The following ARHGAP6 variants were observed in gnomAD, a reference collection of about 807,000 sequenced individuals.
ARHGAP6 encodes Rho GTPase activating protein 6, also known as rho GTPase-activating protein 6.
In ARHGAP6, 16 loss-of-function variants were observed where a neutral mutation model predicts 55.7. That is an observed-to-expected ratio of 0.29 (90% CI 0.19 to 0.44). ARHGAP6 has a LOEUF of 0.44. Ranked by LOEUF, ARHGAP6 falls within the 20% of genes least tolerant of loss-of-function variation. The pLI, the probability that ARHGAP6 is intolerant of heterozygous loss-of-function variation, is 1.00. For synonymous variants in ARHGAP6, 382 were observed against 360.9 expected, an observed-to-expected ratio of 1.06 and a Z score of -0.66; for missense variants, 698 against 808.9, an observed-to-expected ratio of 0.86 and a Z score of 1.66.
At chrX:11,560,616 G>C (rs755411732) in intron 1 of ARHGAP6, among the ~76,000 whole-genome samples, 11 of 111,907 alleles carry the variant, frequency 9.8e-5, no homozygotes, top group African/African-American at 3.6e-4. Flanking sequence ...AGTCAGACTG[G>C]AGCAGGAAGC....
intron 1 of ARHGAP6, among the ~76,000 whole-genome samples, chrX:11,471,769 A>G (rs1463848501): frequency 9.0e-6 from 1 of 111,674 alleles, no homozygotes; most frequent in Non-Finnish European, 1.9e-5. Flanking sequence ...GGGAAGGACA[A>G]TGTAATAGTC....
intron 1 of ARHGAP6, among the ~76,000 whole-genome samples, chrX:11,604,127 C>G (rs756554676): frequency 4.5e-5 from 5 of 111,840 alleles, no homozygotes; most frequent in Non-Finnish European, 9.4e-5. Context: ...CCTCCACTTG[C>G]ATCATAGCTA....
At chrX:11,240,894 A>C (rs1476810860) in intron 2 of ARHGAP6, among the ~76,000 whole-genome samples, 1 of 87,416 alleles carries the variant, frequency 1.1e-5, no homozygotes, top group African/African-American at 4.4e-5. Context: ...AAAATACAAA[A>C]ATTAGCTGGG....
In ARHGAP6 at chrX:11,174,518, TTTCCTTCCTTCCTTCCTTCC is replaced by T. The variant is rs1183794863; in HGVS notation, c.1629+3562_1629+3581del. The stretch of plus-strand genomic sequence containing the variant: ...AAATCCCAAGGCCATTCTTTCTTTC[TTTCCTTCCTTCCTTCCTTCC>T]TTCCTTCCTTCCTTCCTTCCTTCCT... On this transcript the variant is annotated intron_variant, in intron 8 of 12. Coordinates refer to ENST00000337414, the MANE Select transcript of ARHGAP6 (RefSeq NM_013427.3). 2.3e-3 allele frequency among the ~76,000 whole-genome samples: 162 copies of T among 69,552 alleles called. 2 individuals carry two copies. The highest frequency in any genetic ancestry group is 9.3e-3 in the African/African-American group (153 of 16,470). The allele number at this position is 69,552 out of a possible 115,157, so 60.4% of individuals were successfully genotyped here.
intron 1 of ARHGAP6, among the ~76,000 whole-genome samples, chrX:11,354,702 C>A (rs190914785): frequency 9.0e-6 from 1 of 111,173 alleles, no homozygotes; most frequent in African/African-American, 3.3e-5. Context: ...GTGGATCAGA[C>A]AGTAAAATGT....
In ARHGAP6 at chrX:11,374,748, TCTGA is replaced by T. The variant is rs777442464; in HGVS notation, c.589-120045_589-120042del. 3.1e-4 allele frequency among the ~76,000 whole-genome samples: 35 copies of T among 112,547 alleles called. 1 individual carries two copies. The highest frequency in any genetic ancestry group is 1.1e-3 in the African/African-American group (35 of 30,999). On this transcript the variant is annotated intron_variant, in intron 1 of 12. Coordinates refer to ENST00000337414, the MANE Select transcript of ARHGAP6 (RefSeq NM_013427.3). ...TAACAGACAAAAAGGGCTTTCTTTG[TCTGA>T]CTATCTAAATTGACTTCCCACACAG...
At chrX:11,569,906 G>A (rs189081041) in intron 1 of ARHGAP6, among the ~76,000 whole-genome samples, 1 of 112,289 alleles carries the variant, frequency 8.9e-6, no homozygotes, top group East Asian at 2.8e-4. Context: ...TGTTGGCTGA[G>A]CAGAAGCCTA....
chrX:11,538,306 CAGA>C (rs1233827919), intron 1 of ARHGAP6, among the ~76,000 whole-genome samples: 1 of 112,175 alleles, frequency 8.9e-6, no homozygotes, highest in Non-Finnish European at 1.9e-5. Flanking sequence ...CTGAAACTAT[CAGA>C]AGATCATGGA....
chrX:11,597,148 A>C (rs1159942451), intron 1 of ARHGAP6, among the ~76,000 whole-genome samples: 1 of 111,976 alleles, frequency 8.9e-6, no homozygotes, highest in African/African-American at 3.2e-5. Context: ...ACTCAGAAAT[A>C]TTTGTGATTA....
At chrX:11,575,835 A>G (rs2051590225) in intron 1 of ARHGAP6, among the ~76,000 whole-genome samples, 1 of 112,306 alleles carries the variant, frequency 8.9e-6, no homozygotes, top group East Asian at 2.8e-4. Flanking sequence ...TTGGGACATT[A>G]GCATGTGCTG....
At chrX:11,481,792 A>C (rs920219906) in intron 1 of ARHGAP6, among the ~76,000 whole-genome samples, 1 of 112,756 alleles carries the variant, frequency 8.9e-6, no homozygotes, top group African/African-American at 3.2e-5. Flanking sequence ...CCCTAATTCT[A>C]AGGAAAGAAA....
intron 2 of ARHGAP6, among the ~76,000 whole-genome samples, chrX:11,202,239 G>A (rs1012185167): frequency 9.9e-5 from 11 of 110,741 alleles, no homozygotes; most frequent in East Asian, 5.7e-4. Context: ...TTCTTCATTT[G>A]AAGGAGCTTT....
At chrX:11,328,328 A>T (rs1280655631) in intron 1 of ARHGAP6, among the ~76,000 whole-genome samples, 1 of 111,993 alleles carries the variant, frequency 8.9e-6, no homozygotes, top group Non-Finnish European at 1.9e-5. Context: ...AACATTAATG[A>T]AGTCATGCTG....
intron 11 of ARHGAP6, chrX:11,143,312 G>A (rs1378146166): frequency 8.8e-6 from 1 of 113,757 alleles, no homozygotes; most frequent in African/African-American, 3.2e-5. Flanking sequence ...TACACAGCAA[G>A]TATTATCGAG....
chrX:11,460,427 C>T (rs2050233315), intron 1 of ARHGAP6, among the ~76,000 whole-genome samples: 1 of 111,514 alleles, frequency 9.0e-6, no homozygotes, highest in Non-Finnish European at 1.9e-5. Flanking sequence ...GGTCATAGGA[C>T]CCTTGTATGA....
intron 1 of ARHGAP6, among the ~76,000 whole-genome samples, chrX:11,660,713 GTCT>G (rs2052693279): frequency 9.1e-6 from 1 of 110,133 alleles, no homozygotes; most frequent in Non-Finnish European, 1.9e-5. Context: ...GGCCCTCTAA[GTCT>G]TCTTTTTTGG....
Position 11,368,529 on chromosome X carries a change from A to C in ARHGAP6, c.589-113822T>G, listed in dbSNP as rs140749474. On this transcript the variant is annotated intron_variant, in intron 1 of 12. Coordinates refer to ENST00000337414, the MANE Select transcript of ARHGAP6 (RefSeq NM_013427.3). ...CATTCTTATTCCTCCTCCAATTCTA[A>C]CTTCCCAACCTGCCTTAATTATCAC... 1.5e-4 allele frequency among the ~76,000 whole-genome samples: 17 copies of C among 111,631 alleles called. No homozygotes were observed. The East Asian group carries it at 4.5e-3, about 30-fold the overall frequency.
At chrX:11,600,699 A>C (rs766531038) in intron 1 of ARHGAP6, among the ~76,000 whole-genome samples, 3 of 112,419 alleles carry the variant, frequency 2.7e-5, no homozygotes, top group Non-Finnish European at 5.6e-5. Flanking sequence ...GAGGTGTTCT[A>C]TACTATCGCC....
At chrX:11,283,429 A>G (rs1419030501) in intron 1 of ARHGAP6, among the ~76,000 whole-genome samples, 1 of 111,811 alleles carries the variant, frequency 8.9e-6, no homozygotes, top group East Asian at 2.8e-4. Flanking sequence ...TCTCTATGAC[A>G]CAAATTTTGC....
Sources: gnomAD v4.1 joint callset for allele counts (sites outside exome capture counted in the v4.1 genomes callset) on GRCh38, gnomAD v4.1.1 for gene constraint, MANE v1.5 for transcripts, NCBI Gene and HGNC (gene_info 2026-07-23, HGNC 2026-07-21) for gene names.